Variants in GALNT5 observed in about 807,000 individuals in gnomAD.
GALNT5 encodes polypeptide N-acetylgalactosaminyltransferase 5, also known as UDP-GalNAc:polypeptide N-acetylgalactosaminyltransferase 5.
A neutral mutation model predicts 85.4 loss-of-function variants in GALNT5; 72 were observed. That is an observed-to-expected ratio of 0.84 (90% CI 0.70 to 1.03). GALNT5 has a LOEUF of 1.03. GALNT5 is among the 50% of genes least tolerant of loss of function. GALNT5 has a pLI of 0.00. For missense variants in GALNT5, 1,137 were observed against 1,135.5 expected (o/e 1.00, Z -0.02); for synonymous variants, 404 against 397.0 (o/e 1.02, Z -0.21).
At chr2:157,272,161 A>AT (rs1217110401) in intron 1 of GALNT5, among the ~76,000 whole-genome samples, 21 of 151,632 alleles carry the variant, frequency 1.4e-4, no homozygotes, top group South Asian at 4.2e-4. Flanking sequence ...TCAATTACTG[A>AT]TTTTTTTTTC....
rs1683175667 is a variant in GALNT5, at chr2:157,294,780, CACACCACACACACA to C, written c.1742-882_1742-869del. Reference sequence around the variant, plus strand: ...ACACTCTCTCACACACACATCACATCACACCACACACACACACACACACACACACACACACACAC... The same window carrying C: ...ACACTCTCTCACACACACATCACATCCACACACACACACACACACACACAC... On this transcript the variant is annotated intron_variant, in intron 3 of 9. Transcript: ENST00000259056. Among the ~76,000 whole-genome samples, 10 of 74,984 alleles carry C rather than the reference CACACCACACACACA, an allele frequency of 1.3e-4. No homozygotes were observed. The Middle Eastern group carries it at 0.021, about 161-fold the overall frequency. 49.2% of individuals were successfully genotyped at this position (74,984 alleles called of 152,430 possible).
intron 1 of GALNT5, among the ~76,000 whole-genome samples, chr2:157,283,456 C>T (rs1017650155): frequency 2.6e-5 from 4 of 152,186 alleles, no homozygotes; most frequent in Non-Finnish European, 5.9e-5. Flanking sequence ...CACCTGAATA[C>T]TAACTCCCAC....
chr2:157,290,084 A>AAAAAATATAT (rs1342090190), intron 3 of GALNT5, among the ~76,000 whole-genome samples: 1 of 33,690 alleles, frequency 3.0e-5, no homozygotes, highest in African/African-American at 1.1e-4. Context: ...AAAAAAAAAA[A>AAAAAATATAT]ATGTATATAT....
chr2:157,293,796 T>C (rs1342511906), intron 3 of GALNT5, among the ~76,000 whole-genome samples: 2 of 152,246 alleles, frequency 1.3e-5, no homozygotes, highest in East Asian at 1.9e-4. Flanking sequence ...TGATCTGTCA[T>C]CTAGATAACT....
At chr2:157,270,887 G>A (rs188351464) in intron 1 of GALNT5, among the ~76,000 whole-genome samples, 4 of 152,276 alleles carry the variant, frequency 2.6e-5, no homozygotes, top group East Asian at 3.9e-4. Flanking sequence ...AGGCTGAGGC[G>A]GGTGGATCAC....
rs546401794 is a variant in GALNT5, at chr2:157,314,780, C to A, written c.*3432C>A. On this transcript the variant is annotated 3_prime_UTR_variant, in exon 10 of 10. Coordinates refer to ENST00000259056, the MANE Select transcript of GALNT5 (RefSeq NM_014568.3). ...TGATTGAATTCCTATATTCAGAATA[C>A]AAGAAAAAAAATTTACCAACCAGGC... Among the ~76,000 whole-genome samples, 4 of 152,068 alleles carry A rather than the reference C, an allele frequency of 2.6e-5. No individual in the cohort carries two copies. The South Asian group carries it at 8.3e-4, about 32-fold the overall frequency.
chr2:157,305,758 G>T lies in GALNT5; in HGVS notation c.2449G>T (p.Val817Leu). The T allele has an allele frequency of 6.3e-7, 1 of 1,596,716 alleles. No individual in the cohort carries two copies. Among genetic ancestry groups the T allele is most frequent in the South Asian group, 1.1e-5 (1 of 90,542 alleles). The change falls in exon 8 of 10, where the codon GTG becomes TTG. Residue 817 changes from valine (V) to leucine (L), a missense_variant. Val to Leu is a conservative substitution (Grantham distance 32). Transcript: ENST00000259056. ...GTATTTTGCTTTTTAGCTTATTAAT[G>T]TGGCTTTGGGTAAATGCATTTCCAT... is the stretch of plus-strand genomic sequence containing the variant. ...IVRASGVLIN[V>L]ALGKCISIEN...
chr2:157,264,264 T>C (rs1274888480), intron 1 of GALNT5, among the ~76,000 whole-genome samples: 2 of 152,142 alleles, frequency 1.3e-5, no homozygotes, highest in African/African-American at 2.4e-5. Context: ...TGGAGAAGTC[T>C]GTCTTTTGGC....
At position 157,275,989 on chromosome 2, in the gene GALNT5, TG is replaced by T. The variant is rs1297408654; in HGVS notation, c.1455-8292del. ...AAATAGCTCTTATTATTTTGAGATA[TG>T]TTCCATCAAAGCCTAGTTTATTGAG... On this transcript the variant is annotated intron_variant, in intron 1 of 9. Coordinates refer to ENST00000259056, the MANE Select transcript of GALNT5 (RefSeq NM_014568.3). Among the ~76,000 whole-genome samples, 19 of 152,296 alleles carry T rather than the reference TG, an allele frequency of 1.2e-4. No individual in the cohort carries two copies. The East Asian group carries it at 3.7e-3, about 29-fold the overall frequency.
At chr2:157,290,095 A>ATC (rs1358432397) in intron 3 of GALNT5, among the ~76,000 whole-genome samples, 3 of 136,210 alleles carry the variant, frequency 2.2e-5, no homozygotes, top group African/African-American at 9.5e-5. Context: ...ATGTATATAT[A>ATC]TATATATATA....
chr2:157,287,658 G>C (rs538190058), intron 3 of GALNT5, among the ~76,000 whole-genome samples: 6 of 152,102 alleles, frequency 3.9e-5, no homozygotes, highest in African/African-American at 1.4e-4. Context: ...TCTTCCTATG[G>C]TTCTTTCTGC....
intron 1 of GALNT5, among the ~76,000 whole-genome samples, chr2:157,275,328 C>T (rs1406282908): frequency 6.6e-6 from 1 of 152,088 alleles, no homozygotes; most frequent in Non-Finnish European, 1.5e-5. Context: ...TTTTTGGTTC[C>T]ATATGAACTT....
rs1683596301 is a variant in GALNT5, at chr2:157,312,496, A to C, written c.*1148A>C. ...TGAAGGAAAAAAGAGTAAAGCCCTC[A>C]GTGTGAACCCAGTGAGAACACTGAC... On this transcript the variant is annotated 3_prime_UTR_variant, in exon 10 of 10. Transcript: ENST00000259056. 2 of 152,106 alleles carry C rather than the reference A, an allele frequency of 1.3e-5. No homozygotes were observed. Among genetic ancestry groups the C allele is most frequent in the Admixed American group, 1.3e-4 (2 of 15,254 alleles). The allele number at this position is 152,106 out of a possible 1,614,324, so 9.4% of individuals were successfully genotyped here.
chr2:157,284,203 A>G, intron 1 of GALNT5, 79 bp from the exon 2 acceptor site: 1 of 1,133,630 alleles, frequency 8.8e-7, no homozygotes, highest in Non-Finnish European at 1.3e-6. Context: ...TATGCACACC[A>G]TCGCACTCTG....
chr2:157,279,986 TG>T (rs1256647047), intron 1 of GALNT5, among the ~76,000 whole-genome samples: 1 of 152,118 alleles, frequency 6.6e-6, no homozygotes, highest in African/African-American at 2.4e-5. Flanking sequence ...TTAGTAGAGA[TG>T]GGGTTTCTCC....
chr2:157,276,504 CT>C (rs1682730735), intron 1 of GALNT5, among the ~76,000 whole-genome samples: 1 of 152,036 alleles, frequency 6.6e-6, no homozygotes. Flanking sequence ...ATTTCAGAGC[CT>C]GTTATTGGTC....
At position 157,258,120 on chromosome 2, in the gene GALNT5, G is replaced by A. The variant is rs571258114; in HGVS notation, c.38G>A (p.Arg13Gln). 8 of 1,613,934 alleles carry A rather than the reference G, an allele frequency of 5.0e-6. No individual in the cohort carries two copies. The highest frequency in any genetic ancestry group is 1.6e-4 in the Middle Eastern group (1 of 6,082). The change falls in exon 1 of 10, where the codon CGA (arginine) becomes CAA (glutamine). Residue 13 changes from arginine to glutamine, a missense_variant. Arg to Gln is a conservative substitution (Grantham distance 43). Transcript: ENST00000259056. The part of the protein sequence containing the change: ...RIRKFFRGSG[R>Q]VLAFIFVASV... ...CGAAAGTTTTTCCGAGGAAGTGGGC[G>A]AGTCTTGGCATTTATCTTTGTAGCT...
At chr2:157,266,496 T>A (rs1034881212) in intron 1 of GALNT5, among the ~76,000 whole-genome samples, 2 of 152,210 alleles carry the variant, frequency 1.3e-5, no homozygotes, top group Non-Finnish European at 2.9e-5. Context: ...ATTGCTCAGC[T>A]TCACACACAA....
At chr2:157,295,470 G>T (rs1683192540) in intron 3 of GALNT5, among the ~76,000 whole-genome samples, 193 bp from the exon 4 acceptor site, 1 of 151,324 alleles carries the variant, frequency 6.6e-6, no homozygotes, top group Non-Finnish European at 1.5e-5. Flanking sequence ...TGCACCACAG[G>T]ACTCCTAGGA....
Sources: gnomAD v4.1 joint callset for allele counts (sites outside exome capture counted in the v4.1 genomes callset) on GRCh38, gnomAD v4.1.1 for gene constraint, MANE v1.5 for transcripts, NCBI Gene and HGNC (gene_info 2026-07-23, HGNC 2026-07-21) for gene names.